Variants in HSPG2 observed in about 807,000 individuals in gnomAD.
HSPG2 encodes heparan sulfate proteoglycan 2, also known as basement membrane-specific heparan sulfate proteoglycan core protein.
Under a neutral mutation model 526.6 loss-of-function variants are expected in HSPG2, and 278 were observed. The ratio of observed to expected loss-of-function variants is 0.53; its 90% CI spans 0.48 to 0.58. The LOEUF (loss-of-function observed/expected upper bound fraction) is 0.58. Ranked by LOEUF, HSPG2 falls within the 20% of genes least tolerant of loss-of-function variation. The pLI is 0.00. For synonymous variants in HSPG2, 2,465 were observed against 2,555.4 expected, an observed-to-expected ratio of 0.96 and a Z score of 1.07; for missense variants, 5,354 against 6,099.5, an observed-to-expected ratio of 0.88 and a Z score of 4.07.
At chr1:21,916,833 G>A (rs1311569761) in intron 1 of HSPG2, among the ~76,000 whole-genome samples, 2 of 152,212 alleles carry the variant, frequency 1.3e-5, no homozygotes, top group African/African-American at 4.8e-5. Context: ...CAAGGCTGGA[G>A]ATGGAGCTAT....
chr1:21,909,216 C>A (rs1022969180), intron 1 of HSPG2, among the ~76,000 whole-genome samples: 1 of 152,190 alleles, frequency 6.6e-6, no homozygotes, highest in Non-Finnish European at 1.5e-5. Flanking sequence ...TTCATTTATA[C>A]CTCCCCTCTT....
chr1:21,887,586 T>A lies in HSPG2; in HGVS notation c.792A>T (p.Arg264=). Residue 264 remains arginine (R), a synonymous_variant, in exon 8 of 97, where the codon CGA becomes CGT. Transcript: ENST00000374695. This position sits in a 1 kb window ranked among gnomAD's most constrained non-coding sequence, Gnocchi z 5.0. ...GAGGAGCGTGGGTGACTGGTGGCTG[T>A]CGCATGATGGTTGTCTCTGGCCGGG... ...LPPRPETTIM[R]QPPVTHAPQP... The A allele has an allele frequency of 6.2e-7, 1 of 1,614,052 alleles. No individual in the cohort carries two copies.
chr1:21,937,264 C>G lies in HSPG2; in HGVS notation c.-47G>C, dbSNP rs1228420744. 3.9e-6 allele frequency: 3 copies of G among 763,786 alleles called. No homozygotes were observed. The highest frequency in any genetic ancestry group is 1.3e-4 in the Admixed American group (2 of 15,436). 47.3% of individuals were successfully genotyped at this position (763,786 alleles called of 1,614,324 possible). The stretch of plus-strand genomic sequence containing the variant: ...TCGCTCGCTCGCTCCGCGCCGCCCG[C>G]TCCGCGCCGCCCGCAGCCGCCCGCT... On this transcript the variant is annotated 5_prime_UTR_variant, in exon 1 of 97. Transcript: ENST00000374695.
Position 21,885,130 on chromosome 1 carries a change from C to A in HSPG2, c.1238G>T (p.Arg413Leu). 2 of 1,610,956 alleles carry A rather than the reference C, an allele frequency of 1.2e-6. No individual in the cohort carries two copies. Among genetic ancestry groups the A allele is most frequent in the Non-Finnish European group, 8.5e-7 (1 of 1,178,600 alleles). ...GCCCCGGGAAGCCTGGATGGACTCCCGGGGAGGTGTCACCACCTGGGGGGG... is the reference window on the plus strand; with the variant it reads ...GCCCCGGGAAGCCTGGATGGACTCCAGGGGAGGTGTCACCACCTGGGGGGG... Reference protein sequence around the residue: ...CMPPQVVTPPRESIQASRGQT... With the variant: ...CMPPQVVTPPLESIQASRGQT... Residue 413 changes from arginine (R) to leucine (L), a missense_variant, in exon 11 of 97, where the codon CGG (arginine) becomes CTG (leucine). Coordinates refer to ENST00000374695, the MANE Select transcript of HSPG2 (RefSeq NM_005529.7).
intron 53 of HSPG2, 67 bp from the exon 54 acceptor site, chr1:21,851,993 C>G: frequency 6.2e-7 from 1 of 1,610,010 alleles, no homozygotes; most frequent in Non-Finnish European, 8.5e-7. Flanking sequence ...CACCGCTGTC[C>G]CCCCGATCTA....
chr1:21,874,049 G>A, intron 28 of HSPG2, 38 bp from the exon 29 acceptor site: 1 of 1,530,234 alleles, frequency 6.5e-7, no homozygotes, highest in Non-Finnish European at 8.9e-7. Flanking sequence ...GGAACGCAGT[G>A]GCTCCTTCCT....
rs368431013 is a variant in HSPG2 at position 21,852,764 on chromosome 1, C to G, written c.6660G>C (p.Val2220=). 7.7e-5 allele frequency: 125 copies of G among 1,613,294 alleles called. No individual in the cohort carries two copies. Among genetic ancestry groups the G allele is most frequent in the Non-Finnish European group, 9.5e-5 (112 of 1,179,998 alleles). The change falls in exon 52 of 97, where the codon GTG becomes GTC. Residue 2220 remains valine, a synonymous_variant. Transcript: ENST00000374695. ...PADSGEYVCH[V]VGTSGPLEAS... is the part of the protein sequence containing the mutation. Reference sequence around the variant, plus strand: ...CCTCTAGGGGGCCGGAGGTGCCCACCACATGGCACACATACTCGCCTGAGT... The same window carrying G: ...CCTCTAGGGGGCCGGAGGTGCCCACGACATGGCACACATACTCGCCTGAGT...
intron 69 of HSPG2, 44 bp downstream of exon 69, chr1:21,841,958 A>G (rs747021856): frequency 1.2e-6 from 2 of 1,609,684 alleles, no homozygotes. Flanking sequence ...CGGCACCCCC[A>G]TGCCTGCCCC....
chr1:21,841,949 G>A (rs964237592), intron 69 of HSPG2, 53 bp downstream of exon 69: 14 of 1,607,028 alleles, frequency 8.7e-6, no homozygotes, highest in African/African-American at 4.0e-5. Flanking sequence ...TGGGGATGAC[G>A]GCACCCCCAT....
Position 21,851,776 on chromosome 1 carries a change from G to C in HSPG2, c.7006+15C>G, listed in dbSNP as rs373157067. The C allele has an allele frequency of 1.2e-6, 2 of 1,613,874 alleles. No individual in the cohort carries two copies. The highest frequency in any genetic ancestry group is 2.2e-5 in the East Asian group (1 of 44,898). ...TGTTCTCTGCATCCCAGCCCAGCCT[G>C]GTGGCCCCACTCACGGTAGGCTAAG... On this transcript the variant is annotated intron_variant, in intron 54 of 96. Transcript: ENST00000374695.
intron 1 of HSPG2, among the ~76,000 whole-genome samples, chr1:21,916,640 C>A (rs533151589): frequency 2.0e-5 from 3 of 149,434 alleles, no homozygotes; most frequent in African/African-American, 7.4e-5. Flanking sequence ...TGCAGTGAGC[C>A]GAGATTGCGC....
chr1:21,901,672 G>A (rs1312954939), intron 1 of HSPG2, among the ~76,000 whole-genome samples: 2 of 152,160 alleles, frequency 1.3e-5, no homozygotes, highest in African/African-American at 4.8e-5. Context: ...CAGCTAGGCA[G>A]GAAGGTCTGA....
At position 21,858,902 on chromosome 1, in the gene HSPG2, C is replaced by T. The variant is rs577060402; in HGVS notation, c.5293+664G>A. Among the ~76,000 whole-genome samples the T allele has an allele frequency of 4.6e-5, 7 of 151,646 alleles. No homozygotes were observed. The highest frequency in any genetic ancestry group is 3.4e-3 in the Middle Eastern group (1 of 292). On this transcript the variant is annotated intron_variant, in intron 42 of 96. Transcript: ENST00000374695. This position sits in a 1 kb window ranked among gnomAD's most constrained non-coding sequence, Gnocchi z 4.2. ...TGACTTTGAGGTGCGTGTTTTACAC[C>T]GGCTCCCTTTAAAAGCTTCCTCGGT...
chr1:21,877,829 C>T (rs1365388109), intron 21 of HSPG2, among the ~76,000 whole-genome samples: 1 of 152,162 alleles, frequency 6.6e-6, no homozygotes, highest in Non-Finnish European at 1.5e-5. Flanking sequence ...AGTGACCTCC[C>T]TTCTCTGAGC....
intron 1 of HSPG2, among the ~76,000 whole-genome samples, chr1:21,924,235 A>T (rs1012518681): frequency 2.6e-5 from 4 of 152,192 alleles, no homozygotes; most frequent in Non-Finnish European, 5.9e-5. Flanking sequence ...AGGAAGGTGG[A>T]AGCTGCCTCC....
rs557553229 is a variant in HSPG2 at position 21,876,342 on chromosome 1, T to A, written c.2890A>T (p.Thr964Ser). The A allele has an allele frequency of 9.0e-5, 146 of 1,613,706 alleles. No homozygotes were observed. Among genetic ancestry groups the A allele is most frequent in the Middle Eastern group, 8.2e-4 (5 of 6,062 alleles). The change falls in exon 23 of 97, where the codon ACC (threonine) becomes TCC (serine). Residue 964 changes from threonine to serine, a missense_variant. By Grantham distance (58) the Thr-to-Ser change is moderately conservative. Coordinates refer to ENST00000374695, the MANE Select transcript of HSPG2 (RefSeq NM_005529.7). Reference sequence around the variant, plus strand: ...GTGGGGGAGAAGATGCCCTCGTTGGTGGTGTGGGTGCTTGCGGCGTTGGTC... The same window carrying A: ...GTGGGGGAGAAGATGCCCTCGTTGGAGGTGTGGGTGCTTGCGGCGTTGGTC... ...SLTNAASTHT[T>S]NEGIFSPTPG...
chr1:21,899,043 C>G (rs1478838925), intron 1 of HSPG2, among the ~76,000 whole-genome samples: 1 of 152,026 alleles, frequency 6.6e-6, no homozygotes, highest in African/African-American at 2.4e-5. Flanking sequence ...AAAGAGAGGC[C>G]AGAGCACGTC....
chr1:21,870,720 T>C (rs1223860216), intron 33 of HSPG2: 12 of 565,348 alleles, frequency 2.1e-5, no homozygotes, highest in Non-Finnish European at 2.7e-5. Context: ...CCTGGATTCA[T>C]GCAGACCCCC....
chr1:21,842,423 A>G (rs1279586119), intron 67 of HSPG2, 43 bp from the exon 68 acceptor site: 2 of 1,541,478 alleles, frequency 1.3e-6, no homozygotes, highest in African/African-American at 2.7e-5. Flanking sequence ...CAAAGTCCCC[A>G]GGACAAGGAA....
Sources: allele counts gnomAD v4.1 joint callset (sites outside exome capture counted in the v4.1 genomes callset), GRCh38; gene constraint gnomAD v4.1.1; non-coding constraint Gnocchi (gnomAD v3.1); transcripts MANE v1.5; gene names NCBI Gene and HGNC (gene_info 2026-07-23, HGNC 2026-07-21).